Variants in DACH2 observed in about 807,000 individuals in gnomAD.
DACH2 encodes the protein dachshund family transcription factor 2, also known as dachshund homolog 2.
In DACH2, 17 loss-of-function variants were observed where a neutral mutation model predicts 35.8. The ratio of observed to expected loss-of-function variants is 0.48; its 90% CI spans 0.33 to 0.71. The LOEUF (loss-of-function observed/expected upper bound fraction) is 0.71, where lower values mean the gene tolerates loss of function less well. Among genes scored for constraint, DACH2 ranks in the 30% least tolerant of loss-of-function variants. DACH2 has a pLI of 0.02. For synonymous variants in DACH2, 195 were observed against 177.3 expected, an observed-to-expected ratio of 1.10 and a Z score of -0.79; for missense variants, 469 against 472.7, an observed-to-expected ratio of 0.99 and a Z score of 0.07.
chrX:86,804,513 T>C (rs910566132), intron 7 of DACH2, among the ~76,000 whole-genome samples: 2 of 111,645 alleles, frequency 1.8e-5, no homozygotes, highest in Non-Finnish European at 3.8e-5. Context: ...TCACATGCCC[T>C]TCTCACATTT....
At chrX:86,788,104 T>G (rs1429849708) in intron 7 of DACH2, among the ~76,000 whole-genome samples, 1 of 111,109 alleles carries the variant, frequency 9.0e-6, no homozygotes, top group East Asian at 2.8e-4. Flanking sequence ...AGGGGCCGCA[T>G]GCGCAGTTTA....
chrX:86,408,260 C>A (rs2036556556), intron 2 of DACH2, among the ~76,000 whole-genome samples: 1 of 111,371 alleles, frequency 9.0e-6, no homozygotes, highest in Admixed American at 9.6e-5. Flanking sequence ...TATTATATGC[C>A]AGAGATTGTA....
At chrX:86,246,479 C>T (rs1056829380) in intron 1 of DACH2, among the ~76,000 whole-genome samples, 11 of 111,884 alleles carry the variant, frequency 9.8e-5, no homozygotes, top group African/African-American at 1.9e-4. Flanking sequence ...TCAGCAGAGA[C>T]GCTATAATCC....
intron 1 of DACH2, among the ~76,000 whole-genome samples, chrX:86,271,577 T>C (rs1420473553): frequency 9.0e-6 from 1 of 111,325 alleles, no homozygotes; most frequent in Non-Finnish European, 1.9e-5. Context: ...GTAAGGAACA[T>C]AGCCATGGGG....
intron 3 of DACH2, among the ~76,000 whole-genome samples, chrX:86,613,930 C>T (rs2039975571): frequency 9.0e-6 from 1 of 111,492 alleles, no homozygotes; most frequent in Non-Finnish European, 1.9e-5. Flanking sequence ...AGGAAAAGTA[C>T]AGAATATACT....
intron 1 of DACH2, among the ~76,000 whole-genome samples, chrX:86,226,093 A>T (rs1359249529): frequency 1.8e-5 from 2 of 111,941 alleles, no homozygotes; most frequent in East Asian, 5.6e-4. Context: ...AAGTACACTT[A>T]TTGAACACAG....
intron 3 of DACH2, among the ~76,000 whole-genome samples, chrX:86,647,592 A>G (rs1048710955): frequency 9.0e-6 from 1 of 111,046 alleles, no homozygotes; most frequent in Admixed American, 9.7e-5. Flanking sequence ...TAAGTCCTAG[A>G]GATCTACTGT....
chrX:86,606,025 A>T (rs1325373620), intron 3 of DACH2, among the ~76,000 whole-genome samples: 1 of 110,947 alleles, frequency 9.0e-6, no homozygotes, highest in Non-Finnish European at 1.9e-5. Flanking sequence ...TTTGATTTTG[A>T]CATTATCTCT....
chrX:86,222,161 T>C (rs903881638), intron 1 of DACH2, among the ~76,000 whole-genome samples: 1 of 112,505 alleles, frequency 8.9e-6, no homozygotes, highest in Non-Finnish European at 1.9e-5. Flanking sequence ...TAAACTCTTA[T>C]TTAAGATACA....
chrX:86,433,108 T>C (rs1210699604), intron 2 of DACH2, among the ~76,000 whole-genome samples: 1 of 111,939 alleles, frequency 8.9e-6, no homozygotes, highest in East Asian at 2.8e-4. Context: ...ACCTCTAGTG[T>C]TATTTTAATA....
At position 86,427,051 on chromosome X, in the gene DACH2, G is replaced by A. The variant is rs1420483382; in HGVS notation, c.527+50189G>A. ...CTTTTTGTTATTTCTCTTGCCTAAT[G>A]ACTCCACTTATATCATTCAAAAGGA... On this transcript the variant is annotated intron_variant, in intron 2 of 11. Transcript: ENST00000373125. 1.2e-4 allele frequency among the ~76,000 whole-genome samples: 13 copies of A among 111,546 alleles called. No homozygotes were observed. In the East Asian group the frequency reaches 3.7e-3, roughly 31 times the overall value.
At chrX:86,673,683 G>A (rs1057493948) in intron 4 of DACH2, among the ~76,000 whole-genome samples, 6 of 111,271 alleles carry the variant, frequency 5.4e-5, no homozygotes, top group Non-Finnish European at 9.4e-5. Context: ...TGAGATTTGG[G>A]AGGGGCCGGG....
At chrX:86,409,456 G>T (rs981220400) in intron 2 of DACH2, among the ~76,000 whole-genome samples, 1 of 111,212 alleles carries the variant, frequency 9.0e-6, no homozygotes, top group East Asian at 2.8e-4. Flanking sequence ...TCCCATGAAT[G>T]GTTTAGCACC....
At chrX:86,597,790 A>G (rs946325628) in intron 3 of DACH2, among the ~76,000 whole-genome samples, 1 of 111,318 alleles carries the variant, frequency 9.0e-6, no homozygotes, top group Admixed American at 9.6e-5. Context: ...AGAATTGTTT[A>G]TTTTCCCTTC....
chrX:86,166,740 C>T (rs1217792694), intron 1 of DACH2, among the ~76,000 whole-genome samples: 2 of 111,399 alleles, frequency 1.8e-5, no homozygotes, highest in African/African-American at 6.5e-5. Flanking sequence ...TATATTCCTT[C>T]TATCCCCAGT....
intron 6 of DACH2, among the ~76,000 whole-genome samples, chrX:86,732,569 C>A (rs186428563): frequency 1.4e-4 from 16 of 111,584 alleles, no homozygotes; most frequent in African/African-American, 4.5e-4. Flanking sequence ...TGTTATGTGA[C>A]CTTAGGCAAA....
At chrX:86,471,952 C>A (rs2037767348) in intron 2 of DACH2, among the ~76,000 whole-genome samples, 1 of 111,579 alleles carries the variant, frequency 9.0e-6, no homozygotes, top group Admixed American at 9.5e-5. Flanking sequence ...TTGAACAATT[C>A]CAAAATGTAT....
chrX:86,627,400 A>G (rs940184385), intron 3 of DACH2, among the ~76,000 whole-genome samples: 1 of 111,743 alleles, frequency 8.9e-6, no homozygotes, highest in African/African-American at 3.3e-5. Flanking sequence ...ACAATTGTTC[A>G]TGTTGTTGTT....
intron 3 of DACH2, among the ~76,000 whole-genome samples, chrX:86,539,191 T>C (rs1260514940): frequency 9.0e-6 from 1 of 110,929 alleles, no homozygotes; most frequent in Non-Finnish European, 1.9e-5. Flanking sequence ...TGAGTTCTCA[T>C]GGGATCTGAT....
Sources: allele counts gnomAD v4.1 joint callset (sites outside exome capture counted in the v4.1 genomes callset), GRCh38; gene constraint gnomAD v4.1.1; transcripts MANE v1.5; gene names NCBI Gene and HGNC (gene_info 2026-07-23, HGNC 2026-07-21).